The following CARMIL1 variants were observed in gnomAD, a reference collection of about 807,000 sequenced individuals.
CARMIL1 encodes capping protein regulator and myosin 1 linker 1.
A neutral mutation model predicts 177.1 loss-of-function variants in CARMIL1; 90 were observed. The ratio of observed to expected loss-of-function variants is 0.51; its 90% confidence interval spans 0.43 to 0.61. The LOEUF (loss-of-function observed/expected upper bound fraction) is 0.61. Among genes scored for constraint, CARMIL1 ranks in the 20% least tolerant of loss-of-function variants. CARMIL1 has a pLI of 0.00. For missense variants in CARMIL1, 1,380 were observed against 1,667.0 expected (o/e 0.83, Z 3.00); for synonymous variants, 577 against 606.2 (o/e 0.95, Z 0.71).
intron 29 of CARMIL1, among the ~76,000 whole-genome samples, chr6:25,575,084 T>C (rs530499483): frequency 1.3e-5 from 2 of 152,324 alleles, no homozygotes; most frequent in South Asian, 4.1e-4. Flanking sequence ...AAGCTGACTT[T>C]GCAAAAACAT....
chr6:25,301,299 G>A (rs112634434), intron 2 of CARMIL1, among the ~76,000 whole-genome samples: 3,010 of 152,268 alleles, frequency 0.02, 71 homozygotes, highest in African/African-American at 0.057. Flanking sequence ...TAATGAGCCA[G>A]TGGTAACAAG....
rs747829453 is a variant in CARMIL1, at chr6:25,450,669, C to T, written c.572C>T (p.Thr191Ile). The change falls in exon 8 of 37, where the codon ACC becomes ATC. Residue 191 changes from threonine (T) to isoleucine (I), a missense_variant. Transcript: ENST00000329474. ...DVDTIYLTQDTRELNLQDFSH... is the reference protein window; with the variant it reads ...DVDTIYLTQDIRELNLQDFSH... ...GATACAATTTATCTTACCCAAGACA[C>T]CAGGGAATTGAATTTACAAGATTTT... 1.2e-6 allele frequency: 2 copies of T among 1,606,202 alleles called. No homozygotes were observed. The highest frequency in any genetic ancestry group is 3.3e-5 in the Admixed American group (2 of 59,778).
intron 2 of CARMIL1, among the ~76,000 whole-genome samples, chr6:25,349,725 ATTTT>A (rs67971403): frequency 1.1e-5 from 1 of 93,514 alleles, no homozygotes. Context: ...CAGTCCCCTC[ATTTT>A]TTTTTTTTTT....
chr6:25,547,090 G>A (rs927013308), intron 26 of CARMIL1, among the ~76,000 whole-genome samples: 13 of 151,916 alleles, frequency 8.6e-5, no homozygotes, highest in South Asian at 2.1e-4. Flanking sequence ...AATAGTAACC[G>A]AAAAATCTAA....
At chr6:25,526,415 T>TAA (rs112582162) in intron 23 of CARMIL1, among the ~76,000 whole-genome samples, 9 of 151,156 alleles carry the variant, frequency 6.0e-5, no homozygotes, top group South Asian at 2.1e-4. Flanking sequence ...GCTTTGTTAA[T>TAA]AAAAAAATAG....
intron 13 of CARMIL1, among the ~76,000 whole-genome samples, chr6:25,489,305 T>G (rs1449739292): frequency 6.6e-6 from 1 of 152,154 alleles, no homozygotes; most frequent in Non-Finnish European, 1.5e-5. Context: ...AGGTTACAAT[T>G]GAAAGGGAGT....
chr6:25,568,747 C>T (rs1440282153), intron 29 of CARMIL1, among the ~76,000 whole-genome samples: 1 of 152,104 alleles, frequency 6.6e-6, no homozygotes, highest in East Asian at 1.9e-4. Context: ...CTTAGTAATG[C>T]TTCTAGTTGT....
intron 2 of CARMIL1, among the ~76,000 whole-genome samples, chr6:25,303,834 A>G (rs1252850603): frequency 1.3e-5 from 2 of 152,256 alleles, no homozygotes; most frequent in Non-Finnish European, 2.9e-5. Context: ...TTTGTAAAGG[A>G]CACGTAAGTT....
At chr6:25,313,654 AT>A (rs1784020862) in intron 2 of CARMIL1, among the ~76,000 whole-genome samples, 1 of 130,706 alleles carries the variant, frequency 7.7e-6, no homozygotes, top group Admixed American at 7.6e-5. Context: ...TAGTGCCAGC[AT>A]TTTAAAGATC....
chr6:25,518,119 G>A lies in CARMIL1; in HGVS notation c.1874+704G>A, dbSNP rs148194851. ...TATGGGTGAAAAATAAGGGGCGGAT[G>A]GCATAGAAGCCGTTTCCCTGGGAAA... On this transcript the variant is annotated intron_variant, in intron 22 of 36. Coordinates refer to ENST00000329474, the MANE Select transcript of CARMIL1 (RefSeq NM_017640.6). Among the ~76,000 whole-genome samples the A allele has an allele frequency of 2.9e-3, 443 of 152,232 alleles. 5 individuals carry two copies. The highest frequency in any genetic ancestry group is 9.6e-3 in the African/African-American group (400 of 41,532).
At position 25,581,265 on chromosome 6, in the gene CARMIL1, A is replaced by G; in HGVS notation, c.2832A>G (p.Lys944=). 1 of 1,613,690 alleles carries G rather than the reference A, an allele frequency of 6.2e-7. No individual in the cohort carries two copies. Among genetic ancestry groups the G allele is most frequent in the Non-Finnish European group, 8.5e-7 (1 of 1,179,826 alleles). The part of the protein sequence containing the change: ...RAFEMEFDLD[K]ALEEVPIHIE... ...TAGAAATGGAGTTTGATCTAGATAA[A>G]GCGCTGGAAGAGGTACCAATTCACA... The change falls in exon 31 of 37, where the codon AAA becomes AAG. Residue 944 remains lysine, a synonymous_variant. Coordinates refer to ENST00000329474, the MANE Select transcript of CARMIL1 (RefSeq NM_017640.6).
chr6:25,346,370 C>T (rs1787515359), intron 2 of CARMIL1, among the ~76,000 whole-genome samples: 1 of 152,182 alleles, frequency 6.6e-6, no homozygotes, highest in Non-Finnish European at 1.5e-5. Context: ...CCTTCAGCTT[C>T]CTGTCCTTTA....
intron 2 of CARMIL1, among the ~76,000 whole-genome samples, chr6:25,366,901 G>A (rs984181042): frequency 9.2e-5 from 14 of 152,142 alleles, no homozygotes; most frequent in African/African-American, 3.4e-4. Context: ...TCTTTCAGAG[G>A]TAAAGGAAGT....
At chr6:25,615,186 TA>T (rs1352279548) in intron 36 of CARMIL1, among the ~76,000 whole-genome samples, 5 of 152,256 alleles carry the variant, frequency 3.3e-5, no homozygotes, top group African/African-American at 1.2e-4. Flanking sequence ...TTCTATTAAA[TA>T]ATTGCTTATA....
intron 33 of CARMIL1, among the ~76,000 whole-genome samples, chr6:25,604,543 A>C (rs1815751842): frequency 1.3e-5 from 2 of 152,160 alleles, no homozygotes; most frequent in African/African-American, 4.8e-5. Flanking sequence ...CCCTGGCCCC[A>C]TGCACCTCTC....
At position 25,451,032 on chromosome 6, in the gene CARMIL1, C is replaced by A. The variant is rs111879192; in HGVS notation, c.614+321C>A. Among the ~76,000 whole-genome samples the A allele has an allele frequency of 2.9e-3, 325 of 110,374 alleles. 6 individuals are homozygous for A. Among genetic ancestry groups the A allele is most frequent in the African/African-American group, 0.011 (306 of 28,258 alleles). The allele number at this position is 110,374 out of a possible 152,430, so 72.4% of individuals were successfully genotyped here. ...TCCCCTCTCCCCTCTCTTCTCTTTC[C>A]TGCAGTTCTCTGTTGGCACTTAGGG... On this transcript the variant is annotated intron_variant, in intron 8 of 36. Coordinates refer to ENST00000329474, the MANE Select transcript of CARMIL1 (RefSeq NM_017640.6).
intron 5 of CARMIL1, among the ~76,000 whole-genome samples, chr6:25,445,753 T>G (rs1798174158): frequency 6.6e-6 from 1 of 152,048 alleles, no homozygotes; most frequent in Non-Finnish European, 1.5e-5. Flanking sequence ...TTAGCCGGGA[T>G]GGTCTCGATC....
At chr6:25,292,815 G>T (rs1302879768) in intron 2 of CARMIL1, among the ~76,000 whole-genome samples, 1 of 152,114 alleles carries the variant, frequency 6.6e-6, no homozygotes, top group Non-Finnish European at 1.5e-5. Flanking sequence ...GTAAGTGATG[G>T]GGGGGAGTAG....
intron 2 of CARMIL1, among the ~76,000 whole-genome samples, chr6:25,392,918 C>T (rs716796): frequency 0.15 from 23,068 of 151,942 alleles, 1,873 homozygotes; most frequent in Non-Finnish European, 0.18. Context: ...TGTTCCTGAT[C>T]TTCCTCCCTC....
Sources: gnomAD v4.1 joint callset for allele counts (sites outside exome capture counted in the v4.1 genomes callset) on GRCh38, gnomAD v4.1.1 for gene constraint, MANE v1.5 for transcripts, NCBI Gene and HGNC (gene_info 2026-07-23, HGNC 2026-07-21) for gene names.